Variants in CCNY observed in about 807,000 individuals in gnomAD.
The protein encoded by CCNY is cyclin Y.
CCNY carries 19 observed loss-of-function variants against 42.8 expected under a neutral mutation model. The ratio of observed to expected loss-of-function variants is 0.44; its 90% confidence interval spans 0.31 to 0.65. CCNY has a LOEUF of 0.65. CCNY is among the 30% of genes least tolerant of loss of function. CCNY has a pLI of 0.07. For missense variants in CCNY, 370 were observed against 437.3 expected (o/e 0.85, Z 1.37); for synonymous variants, 165 against 162.7 (o/e 1.01, Z -0.11).
chr10:35,307,357 C>T lies in CCNY; in HGVS notation c.-9+56731C>T, dbSNP rs527787809. Among the ~76,000 whole-genome samples, 292 of 152,334 alleles carry T rather than the reference C, an allele frequency of 1.9e-3. 2 individuals carry two copies. Among genetic ancestry groups the T allele is most frequent in the African/African-American group, 6.7e-3 (279 of 41,574 alleles). On this transcript the variant is annotated intron_variant, in intron 3 of 11. Transcript: ENST00000374706. ...GAGTCAGCCCAGGTGTGGCGGCTCA[C>T]GCGCATAAACGCCATGGAGTTTAAA...
intron 3 of CCNY, among the ~76,000 whole-genome samples, chr10:35,258,868 G>A (rs971131246): frequency 1.3e-4 from 19 of 151,672 alleles, no homozygotes; most frequent in African/African-American, 3.6e-4. Context: ...CCTGGGAGGC[G>A]GAGTTTGCAG....
At chr10:35,384,059 T>C (rs1232448244) in intron 1 of CCNY, among the ~76,000 whole-genome samples, 2 of 152,250 alleles carry the variant, frequency 1.3e-5, no homozygotes. Flanking sequence ...TGGGAAACAA[T>C]TACAACTCCC....
chr10:35,264,835 G>A (rs998014721), intron 3 of CCNY, among the ~76,000 whole-genome samples: 13 of 151,892 alleles, frequency 8.6e-5, no homozygotes, highest in African/African-American at 2.4e-4. Flanking sequence ...CGCCAAGTTC[G>A]CCAGGCTGGT....
intron 3 of CCNY, among the ~76,000 whole-genome samples, chr10:35,313,977 GAA>G (rs71523375): frequency 5.0e-5 from 4 of 79,772 alleles, no homozygotes; most frequent in African/African-American, 1.9e-4. Flanking sequence ...GTTCATCTCG[GAA>G]AAAAAAAAAA....
intron 5 of CCNY, among the ~76,000 whole-genome samples, chr10:35,528,056 G>T (rs1840688475): frequency 6.6e-6 from 1 of 152,074 alleles, no homozygotes; most frequent in African/African-American, 2.4e-5. Context: ...TTTCTCTAGG[G>T]TGCTGGATGC....
chr10:35,296,692 C>G (rs530644846), intron 3 of CCNY, among the ~76,000 whole-genome samples: 1 of 152,284 alleles, frequency 6.6e-6, no homozygotes, highest in Non-Finnish European at 1.5e-5. Context: ...TGCACACAAA[C>G]TAGAAAATCT....
intron 8 of CCNY, among the ~76,000 whole-genome samples, chr10:35,553,642 CAT>C (rs1589203683): frequency 6.6e-6 from 1 of 152,298 alleles, no homozygotes; most frequent in East Asian, 1.9e-4. Flanking sequence ...ACAGAGAAAA[CAT>C]CCACTGCTTT....
At chr10:35,274,713 C>T (rs1363331898) in intron 3 of CCNY, among the ~76,000 whole-genome samples, 2 of 152,148 alleles carry the variant, frequency 1.3e-5, no homozygotes, top group Non-Finnish European at 2.9e-5. Flanking sequence ...CGAGGGAAGA[C>T]TGAAATGTAT....
chr10:35,334,976 T>A (rs111450756), upstream of CCNY, among the ~76,000 whole-genome samples: 1,050 of 152,164 alleles, frequency 6.9e-3, 4 homozygotes, highest in African/African-American at 0.02. Context: ...TGGGCCTCAG[T>A]TTCCTCATAT....
chr10:35,339,726 C>T (rs1836132534), intron 1 of CCNY, among the ~76,000 whole-genome samples: 1 of 152,146 alleles, frequency 6.6e-6, no homozygotes, highest in Non-Finnish European at 1.5e-5. Context: ...TTCCCTTTGT[C>T]ACCAGGCACA....
chr10:35,292,023 T>C (rs1292449608), intron 3 of CCNY, among the ~76,000 whole-genome samples: 1 of 152,228 alleles, frequency 6.6e-6, no homozygotes, highest in East Asian at 1.9e-4. Context: ...TTTCTTCATA[T>C]ATTTGCCACC....
intron 1 of CCNY, among the ~76,000 whole-genome samples, chr10:35,355,600 C>G (rs974141465): frequency 4.0e-4 from 58 of 145,960 alleles, no homozygotes; most frequent in African/African-American, 1.2e-3. Context: ...ATCGCTTGAA[C>G]CCAGTAGGCA....
chr10:35,410,334 C>G (rs192986303), intron 1 of CCNY, among the ~76,000 whole-genome samples: 139 of 152,070 alleles, frequency 9.1e-4, no homozygotes, highest in African/African-American at 3.1e-3. Flanking sequence ...TTCCCAGCAC[C>G]TGCTCTGTTG....
At chr10:35,303,926 A>G (rs935677553) in intron 3 of CCNY, among the ~76,000 whole-genome samples, 15 of 152,176 alleles carry the variant, frequency 9.9e-5, no homozygotes, top group African/African-American at 3.6e-4. Context: ...AAGAGCACAG[A>G]TTACGATGTG....
At chr10:35,334,428 C>A (rs935975073), upstream of CCNY, among the ~76,000 whole-genome samples, 4 of 152,196 alleles carry the variant, frequency 2.6e-5, no homozygotes, top group Admixed American at 6.5e-5. Flanking sequence ...TTCTCTCCCA[C>A]GGGTTCAGCA....
chr10:35,314,769 G>T (rs1000633464), intron 3 of CCNY: 1 of 152,062 alleles, frequency 6.6e-6, no homozygotes, highest in Non-Finnish European at 1.5e-5. Flanking sequence ...TTCTTGCAAT[G>T]AGTATTGTCC....
intron 8 of CCNY, among the ~76,000 whole-genome samples, chr10:35,556,846 ATT>A (rs61540981): frequency 9.3e-5 from 13 of 139,352 alleles, no homozygotes; most frequent in Admixed American, 2.9e-4. Context: ...TCCTCACTAC[ATT>A]TTTTTTTTTT....
At chr10:35,286,103 C>T (rs1283418705) in intron 3 of CCNY, among the ~76,000 whole-genome samples, 2 of 151,698 alleles carry the variant, frequency 1.3e-5, no homozygotes, top group Non-Finnish European at 2.9e-5. Flanking sequence ...TGAACCACCA[C>T]GCCTGGCCTG....
intron 1 of CCNY, among the ~76,000 whole-genome samples, chr10:35,421,406 G>A (rs1371360716): frequency 3.3e-5 from 5 of 152,144 alleles, no homozygotes; most frequent in Admixed American, 1.3e-4. Flanking sequence ...TCAGCTTGAC[G>A]CGGGTTCACT....
Sources: gnomAD v4.1 joint callset for allele counts (sites outside exome capture counted in the v4.1 genomes callset) on GRCh38, gnomAD v4.1.1 for gene constraint, MANE v1.5 for transcripts, NCBI Gene and HGNC (gene_info 2026-07-23, HGNC 2026-07-21) for gene names.